The following NCKAP5 variants were observed in gnomAD, a reference collection of about 807,000 sequenced individuals.
NCKAP5 encodes NCK associated protein 5, also known as nck-associated protein 5.
NCKAP5 carries 92 observed loss-of-function variants against 167.0 expected under a neutral mutation model. The observed-to-expected ratio is 0.55, with a 90% CI of 0.47 to 0.66. The LOEUF is 0.66. NCKAP5 is among the 30% of genes least tolerant of loss of function. The pLI, the probability that NCKAP5 is intolerant of heterozygous loss-of-function variation, is 0.00. For synonymous variants in NCKAP5, 891 were observed against 877.4 expected, an observed-to-expected ratio of 1.02 and a Z score of -0.27; for missense variants, 2,378 against 2,315.0, an observed-to-expected ratio of 1.03 and a Z score of -0.56.
chr2:132,782,036 T>G lies in NCKAP5; in HGVS notation c.4775A>C (p.Gln1592Pro), dbSNP rs893425036. Reference protein sequence around the residue: ...LQSKNNRRTPQDIYNQLKIEP... With the variant: ...LQSKNNRRTPPDIYNQLKIEP... ...AATCTTCAGTTGGTTGTAAATGTCT[T>G]GTGGTGTTCTCCGATTATTTTTGCT... Residue 1592 changes from glutamine (Q) to proline (P), a missense_variant, in exon 14 of 20, where the codon CAA becomes CCA. Physicochemically the swap from Gln to Pro is moderately conservative, Grantham distance 76 (BLOSUM62 -1). Coordinates refer to ENST00000409261, the MANE Select transcript of NCKAP5 (RefSeq NM_207363.3). 12 of 1,613,934 alleles carry G rather than the reference T, an allele frequency of 7.4e-6. No individual in the cohort carries two copies. The African/African-American group carries it at 1.6e-4, about 22-fold the overall frequency.
At chr2:133,669,253 C>T in the NCKAP5 span, among the ~76,000 whole-genome samples, 11 of 152,106 alleles carry the variant, frequency 7.2e-5, no homozygotes, top group South Asian at 2.1e-4. Context: ...AATCTTTCCC[C>T]GGAATAAATG....
chr2:132,884,713 G>C (rs1285079965), intron 8 of NCKAP5, among the ~76,000 whole-genome samples: 2 of 152,078 alleles, frequency 1.3e-5, no homozygotes, highest in Non-Finnish European at 2.9e-5. Context: ...AGCAGTACAA[G>C]GGATAATGGG....
chr2:132,781,544 T>C (rs1450778550), intron 14 of NCKAP5, among the ~76,000 whole-genome samples: 1 of 152,246 alleles, frequency 6.6e-6, no homozygotes, highest in Non-Finnish European at 1.5e-5. Context: ...TAATTATTTC[T>C]GGAAAGTTTC....
At chr2:133,353,111 A>G (rs918455999) in intron 3 of NCKAP5, among the ~76,000 whole-genome samples, 1 of 152,210 alleles carries the variant, frequency 6.6e-6, no homozygotes, top group Non-Finnish European at 1.5e-5. Flanking sequence ...ATTCTCCATT[A>G]GAATACAGCT....
At chr2:132,725,973 C>T (rs1690423406) in intron 18 of NCKAP5, among the ~76,000 whole-genome samples, 1 of 152,186 alleles carries the variant, frequency 6.6e-6, no homozygotes, top group African/African-American at 2.4e-5. Flanking sequence ...ATTACCAGAG[C>T]TGCAGAAATA....
the NCKAP5 span, among the ~76,000 whole-genome samples, chr2:133,624,603 A>G: frequency 6.6e-6 from 1 of 152,236 alleles, no homozygotes; most frequent in African/African-American, 2.4e-5. Context: ...AATAGCAGCA[A>G]ACAAGTTGGC....
chr2:133,145,471 A>G (rs1170116229), intron 5 of NCKAP5, among the ~76,000 whole-genome samples: 1 of 152,066 alleles, frequency 6.6e-6, no homozygotes, highest in African/African-American at 2.4e-5. Flanking sequence ...ACAAACTTGC[A>G]TGTTCTGCAC....
chr2:133,156,250 C>T lies in NCKAP5; in HGVS notation c.208-26139G>A, dbSNP rs574253550. On this transcript the variant is annotated intron_variant, in intron 5 of 19. Coordinates refer to ENST00000409261, the MANE Select transcript of NCKAP5 (RefSeq NM_207363.3). ...TAAGCCTACTGCACCTGCTGTGTTC[C>T]CTCTTGTGATTAATAGCATCACTTC... 2.3e-4 allele frequency among the ~76,000 whole-genome samples: 35 copies of T among 152,282 alleles called. No individual in the cohort carries two copies. The East Asian group carries it at 6.8e-3, about 29-fold the overall frequency.
intron 8 of NCKAP5, among the ~76,000 whole-genome samples, chr2:132,891,970 G>C (rs1325261299): frequency 2.0e-5 from 3 of 152,198 alleles, no homozygotes. Context: ...ATGGAGCCTG[G>C]CCCTCTGTAT....
intron 19 of NCKAP5, among the ~76,000 whole-genome samples, chr2:132,718,959 G>A (rs1371878481): frequency 2.0e-5 from 3 of 152,304 alleles, no homozygotes; most frequent in South Asian, 2.1e-4. Flanking sequence ...CTGGACTTTG[G>A]GCGTGGCTGA....
chr2:133,145,607 T>C (rs938433250), intron 5 of NCKAP5, among the ~76,000 whole-genome samples: 3 of 152,108 alleles, frequency 2.0e-5, no homozygotes, highest in Non-Finnish European at 4.4e-5. Flanking sequence ...AGTAAGTTTA[T>C]AATCTAAAAT....
In NCKAP5 at chr2:132,850,042, G is replaced by C. The variant is rs556028271; in HGVS notation, c.807+10450C>G. 7.9e-5 allele frequency among the ~76,000 whole-genome samples: 12 copies of C among 152,300 alleles called. No homozygotes were observed. In the South Asian group the frequency reaches 1.0e-3, roughly 13 times the overall value. On this transcript the variant is annotated intron_variant, in intron 11 of 19. Transcript: ENST00000409261. Reference sequence around the variant, plus strand: ...ATCAATCTGAGTGTCCAATAACCAGGGAGGGGGGTAGATTATATGATCTTG... The same window carrying C: ...ATCAATCTGAGTGTCCAATAACCAGCGAGGGGGGTAGATTATATGATCTTG...
chr2:133,264,196 T>C (rs1294838685), intron 4 of NCKAP5, among the ~76,000 whole-genome samples: 2 of 152,250 alleles, frequency 1.3e-5, no homozygotes, highest in East Asian at 1.9e-4. Flanking sequence ...AAGCTTCTTA[T>C]GAATTGTTTA....
At chr2:133,655,606 C>T in the NCKAP5 span, among the ~76,000 whole-genome samples, 1 of 152,194 alleles carries the variant, frequency 6.6e-6, no homozygotes, top group African/African-American at 2.4e-5. Flanking sequence ...CTACCTTGCC[C>T]TTCCTTCTGA....
chr2:132,852,266 C>T (rs993772609), intron 11 of NCKAP5, among the ~76,000 whole-genome samples: 3 of 152,098 alleles, frequency 2.0e-5, no homozygotes, highest in Non-Finnish European at 2.9e-5. Context: ...AAATATATAT[C>T]GCCTGAATGT....
At chr2:133,045,220 G>T (rs1428029004) in intron 6 of NCKAP5, among the ~76,000 whole-genome samples, 1 of 152,076 alleles carries the variant, frequency 6.6e-6, no homozygotes, top group East Asian at 1.9e-4. Context: ...GAAAAAATGT[G>T]CTATCTCCAT....
At chr2:133,224,561 T>TA (rs1367930823) in intron 4 of NCKAP5, among the ~76,000 whole-genome samples, 29 of 152,302 alleles carry the variant, frequency 1.9e-4, no homozygotes, top group Admixed American at 4.6e-4. Context: ...AGAAGTGCAT[T>TA]TGTCCTTCTG....
At chr2:133,375,926 A>G (rs572530686) in intron 3 of NCKAP5, among the ~76,000 whole-genome samples, 4 of 152,332 alleles carry the variant, frequency 2.6e-5, no homozygotes, top group African/African-American at 9.6e-5. Flanking sequence ...AATGGGTCCA[A>G]TGTCTGAAAG....
chr2:133,063,693 G>A (rs933722754), intron 6 of NCKAP5, among the ~76,000 whole-genome samples: 2 of 152,120 alleles, frequency 1.3e-5, no homozygotes, highest in African/African-American at 4.8e-5. Context: ...TATACCCAGG[G>A]AGGCCTCTGC....
Sources: gnomAD v4.1 joint callset for allele counts (sites outside exome capture counted in the v4.1 genomes callset) on GRCh38, gnomAD v4.1.1 for gene constraint, MANE v1.5 for transcripts, NCBI Gene and HGNC (gene_info 2026-07-23, HGNC 2026-07-21) for gene names.